CNBD1: variants seen among roughly 807,000 people sequenced by gnomAD.
CNBD1 encodes cyclic nucleotide-binding domain-containing protein 1.
A neutral mutation model predicts 54.4 loss-of-function variants in CNBD1; 71 were observed. That is an observed-to-expected ratio of 1.30 (90% CI 1.08 to 1.59). CNBD1 has a LOEUF of 1.59. Among genes scored for constraint, CNBD1 ranks in the 40% most tolerant of loss-of-function variants. The pLI, the probability that CNBD1 is intolerant of heterozygous loss-of-function variation, is 0.00. For synonymous variants in CNBD1, 182 were observed against 170.7 expected (o/e 1.07, Z -0.51); for missense variants, 659 against 518.0 (o/e 1.27, Z -2.64).
At chr8:87,055,894 CCT>C (rs2130630674) in intron 4 of CNBD1, among the ~76,000 whole-genome samples, 1 of 83,106 alleles carries the variant, frequency 1.2e-5, no homozygotes, top group African/African-American at 7.0e-5. Flanking sequence ...TTCCTTCCTT[CCT>C]TCCTTCCTTC....
At chr8:86,953,542 G>A (rs1586158721) in intron 4 of CNBD1, among the ~76,000 whole-genome samples, 1 of 152,098 alleles carries the variant, frequency 6.6e-6, no homozygotes, top group South Asian at 2.1e-4. Context: ...ACTAAAATAT[G>A]GCCTGAAGAT....
chr8:87,190,511 G>A (rs1057031273), intron 4 of CNBD1, among the ~76,000 whole-genome samples: 2 of 151,576 alleles, frequency 1.3e-5, no homozygotes, highest in South Asian at 2.1e-4. Flanking sequence ...ACCCTCTTTC[G>A]CTCCGAGTTC....
intron 4 of CNBD1, among the ~76,000 whole-genome samples, chr8:87,091,442 T>G (rs1474828042): frequency 1.3e-5 from 2 of 152,196 alleles, no homozygotes; most frequent in Non-Finnish European, 2.9e-5. Flanking sequence ...CTTCCATCTC[T>G]AACATCAACT....
chr8:87,074,590 A>C (rs915233111), intron 4 of CNBD1, among the ~76,000 whole-genome samples: 5 of 152,092 alleles, frequency 3.3e-5, no homozygotes, highest in African/African-American at 7.2e-5. Context: ...GGATCTCCTG[A>C]TATATGGGTT....
At chr8:86,868,730 A>G (rs1808398916) in intron 1 of CNBD1, among the ~76,000 whole-genome samples, 1 of 150,278 alleles carries the variant, frequency 6.7e-6, no homozygotes, top group Non-Finnish European at 1.5e-5. Flanking sequence ...TCTTACAAGA[A>G]CTCTATGTCT....
chr8:87,284,080 G>T (rs1808647651), intron 6 of CNBD1, among the ~76,000 whole-genome samples: 5 of 151,970 alleles, frequency 3.3e-5, no homozygotes, highest in African/African-American at 9.7e-5. Flanking sequence ...ATAAAAATAC[G>T]CTCCTTATCC....
At chr8:87,354,364 G>A (rs1484371087) in intron 10 of CNBD1, among the ~76,000 whole-genome samples, 3 of 151,904 alleles carry the variant, frequency 2.0e-5, no homozygotes, top group African/African-American at 7.3e-5. Context: ...AGGGACCTGG[G>A]CCTCATGAGG....
chr8:87,421,530 G>GT (rs1308474831), intron 2 of CNBD1, among the ~76,000 whole-genome samples: 1 of 149,442 alleles, frequency 6.7e-6, no homozygotes, highest in African/African-American at 2.5e-5. Flanking sequence ...GCAGTGTTTG[G>GT]TTTTTTGTTC....
At chr8:87,290,781 A>G (rs1405064626) in intron 8 of CNBD1, among the ~76,000 whole-genome samples, 1 of 152,200 alleles carries the variant, frequency 6.6e-6, no homozygotes, top group African/African-American at 2.4e-5. Flanking sequence ...TAAGTTAAAA[A>G]TGCAATCCCA....
At chr8:87,402,246 T>A (rs1807577921) in intron 2 of CNBD1, among the ~76,000 whole-genome samples, 1 of 151,886 alleles carries the variant, frequency 6.6e-6, no homozygotes, top group Non-Finnish European at 1.5e-5. Flanking sequence ...TCCCACCGGG[T>A]CCCTCCCAAA....
chr8:87,007,364 GCT>G (rs1809124700), intron 4 of CNBD1, among the ~76,000 whole-genome samples: 1 of 151,780 alleles, frequency 6.6e-6, no homozygotes, highest in Non-Finnish European at 1.5e-5. Context: ...AAATCCATAA[GCT>G]CTTATTTTTA....
chr8:87,034,859 T>C (rs1470315400), intron 4 of CNBD1, among the ~76,000 whole-genome samples: 1 of 152,182 alleles, frequency 6.6e-6, no homozygotes, highest in Non-Finnish European at 1.5e-5. Flanking sequence ...ATCAACTATA[T>C]ACATATATAT....
At chr8:87,110,347 T>C (rs1197337394) in intron 4 of CNBD1, among the ~76,000 whole-genome samples, 1 of 152,220 alleles carries the variant, frequency 6.6e-6, no homozygotes, top group African/African-American at 2.4e-5. Context: ...CCTAAGCATA[T>C]TGGCAGCCTG....
intron 10 of CNBD1, 84 bp downstream of exon 10, chr8:87,353,870 A>T (rs1810361019): frequency 4.2e-6 from 4 of 945,882 alleles, no homozygotes; most frequent in Admixed American, 6.0e-5. Context: ...CTTATTAATC[A>T]GATGCATATT....
intron 4 of CNBD1, among the ~76,000 whole-genome samples, chr8:86,971,217 C>A (rs1167986531): frequency 6.6e-6 from 1 of 152,090 alleles, no homozygotes; most frequent in African/African-American, 2.4e-5. Flanking sequence ...TGGCAGAAGG[C>A]AAAGGGGAAG....
chr8:87,358,740 G>C (rs566463101), intron 10 of CNBD1, among the ~76,000 whole-genome samples: 2 of 152,284 alleles, frequency 1.3e-5, no homozygotes, highest in South Asian at 4.1e-4. Flanking sequence ...AAGGGGAACT[G>C]AGGGTGTAAC....
chr8:87,106,622 C>A (rs1050319340), intron 4 of CNBD1, among the ~76,000 whole-genome samples: 1 of 152,314 alleles, frequency 6.6e-6, no homozygotes, highest in African/African-American at 2.4e-5. Context: ...AATTAAACTT[C>A]TGTATCCATG....
chr8:87,214,131 G>A (rs1226795599), intron 5 of CNBD1, among the ~76,000 whole-genome samples: 2 of 152,176 alleles, frequency 1.3e-5, no homozygotes, highest in African/African-American at 4.8e-5. Context: ...ACTTTCATGG[G>A]CTAGTGTTGA....
intron 6 of CNBD1, among the ~76,000 whole-genome samples, chr8:87,283,078 C>G (rs1243359194): frequency 2.6e-5 from 4 of 152,006 alleles, no homozygotes; most frequent in Non-Finnish European, 4.4e-5. Flanking sequence ...CTCCATCTAT[C>G]TTCTGTAGCT....
Sources: gnomAD v4.1 joint callset for allele counts (sites outside exome capture counted in the v4.1 genomes callset) on GRCh38, gnomAD v4.1.1 for gene constraint, MANE v1.5 for transcripts, NCBI Gene and HGNC (gene_info 2026-07-23, HGNC 2026-07-21) for gene names.